The following LRRC47 variants were observed in gnomAD, a reference collection of about 807,000 sequenced individuals.
LRRC47 encodes leucine rich repeat containing 47.
LRRC47 carries 31 observed loss-of-function variants against 40.9 expected under a neutral mutation model. The ratio of observed to expected loss-of-function variants is 0.76; its 90% CI spans 0.57 to 1.02. The LOEUF is 1.02. Among genes scored for constraint, LRRC47 ranks in the 50% least tolerant of loss-of-function variants. LRRC47 has a pLI of 0.00. For missense variants in LRRC47, 726 were observed against 796.1 expected, an observed-to-expected ratio of 0.91 and a Z score of 1.06; for synonymous variants, 427 against 371.9, an observed-to-expected ratio of 1.15 and a Z score of -1.70.
intron 1 of LRRC47, among the ~76,000 whole-genome samples, chr1:3,790,683 A>G (rs1643619116): frequency 6.6e-6 from 1 of 152,262 alleles, no homozygotes; most frequent in Admixed American, 6.5e-5. Context: ...GCTCCCACGC[A>G]GGCAGAGCTA....
intron 1 of LRRC47, among the ~76,000 whole-genome samples, chr1:3,795,069 AAAAAG>A: frequency 6.6e-6 from 1 of 151,972 alleles, no homozygotes; most frequent in East Asian, 1.9e-4. Flanking sequence ...AAAAAAAAAA[AAAAAG>A]AAATGTCTGC....
In LRRC47 at chr1:3,796,434, G is replaced by A. The variant is rs987877733; in HGVS notation, c.43C>T (p.Leu15=). The change falls in exon 1 of 7, where the codon CTG becomes TTG. Residue 15 remains leucine (L), a synonymous_variant. Transcript: ENST00000378251. The part of the protein sequence containing the change: ...AVSESWPELE[L]AERERRRELL... ...TCCCGCCGCCGCTCGCGCTCAGCCA[G>A]CTCCAGCTCCGGCCAAGACTCTGAC... 4 of 1,521,442 alleles carry A rather than the reference G, an allele frequency of 2.6e-6. No homozygotes were observed. Among genetic ancestry groups the A allele is most frequent in the East Asian group, 2.6e-5 (1 of 38,392 alleles). 94.2% of individuals were successfully genotyped at this position (1,521,442 alleles called of 1,614,324 possible). A position where few individuals can be genotyped will look rare whatever the true frequency, so the allele number is the denominator to read the frequency against.
chr1:3,789,960 G>A (rs1261423284), intron 1 of LRRC47, among the ~76,000 whole-genome samples: 1 of 152,238 alleles, frequency 6.6e-6, no homozygotes, highest in Non-Finnish European at 1.5e-5. Flanking sequence ...AGGATGTGAG[G>A]TGCACACTGG....
intron 1 of LRRC47, among the ~76,000 whole-genome samples, chr1:3,792,709 T>C (rs1386377975): frequency 5.3e-5 from 8 of 152,236 alleles, no homozygotes; most frequent in Non-Finnish European, 7.3e-5. Flanking sequence ...TTCGCCCGCC[T>C]TGGCCTCCTA....
rs541367875 is a variant in LRRC47 at position 3,789,965 on chromosome 1, C to T, written c.616-2655G>A. Among the ~76,000 whole-genome samples, 15 of 152,322 alleles carry T rather than the reference C, an allele frequency of 9.8e-5. 1 individual carries two copies. In the South Asian group the frequency reaches 2.7e-3, roughly 27 times the overall value. ...CGCGCCCGCAAGGATGTGAGGTGCA[C>T]ACTGGCTTTGGGGAGGATGAGTTAC... On this transcript the variant is annotated intron_variant, in intron 1 of 6. Coordinates refer to ENST00000378251, the MANE Select transcript of LRRC47 (RefSeq NM_020710.3).
intron 1 of LRRC47, among the ~76,000 whole-genome samples, chr1:3,788,106 G>A (rs1643594497): frequency 6.6e-6 from 1 of 152,254 alleles, no homozygotes; most frequent in Non-Finnish European, 1.5e-5. Context: ...GTCTTTCCCA[G>A]GGTCTGGGCA....
chr1:3,782,281 G>A (rs1249918839), intron 5 of LRRC47, among the ~76,000 whole-genome samples: 3 of 151,348 alleles, frequency 2.0e-5, no homozygotes, highest in African/African-American at 7.3e-5. Flanking sequence ...GGAATGGCGC[G>A]ATCTCGACTC....
Position 3,796,344 on chromosome 1 carries a change from G to A in LRRC47, c.133C>T (p.Arg45Trp). 1 of 1,509,306 alleles carries A rather than the reference G, an allele frequency of 6.6e-7. No homozygotes were observed. 93.5% of individuals were successfully genotyped at this position (1,509,306 alleles called of 1,614,324 possible). ...VRAAGGQLPPRLFTLPLLHYL... is the reference protein window; with the variant it reads ...VRAAGGQLPPWLFTLPLLHYL... Reference sequence around the variant, plus strand: ...TGCAGCAGCGGCAGGGTGAAAAGCCGCGGCGGCAGCTGCCCACCCGCCGCC... The same window carrying A: ...TGCAGCAGCGGCAGGGTGAAAAGCCACGGCGGCAGCTGCCCACCCGCCGCC... The change falls in exon 1 of 7, where the codon CGG becomes TGG. Residue 45 changes from arginine (R) to tryptophan (W), a missense_variant. Arg to Trp is a moderately radical substitution (Grantham distance 101, BLOSUM62 -3). Coordinates refer to ENST00000378251, the MANE Select transcript of LRRC47 (RefSeq NM_020710.3).
At chr1:3,789,334 CT>C (rs1557643180) in intron 1 of LRRC47, among the ~76,000 whole-genome samples, 1 of 152,272 alleles carries the variant, frequency 6.6e-6, no homozygotes, top group Non-Finnish European at 1.5e-5. Context: ...ATCTGAGGTT[CT>C]GCTCTGTGGG....
chr1:3,796,312 C>T lies in LRRC47; in HGVS notation c.165G>A (p.Leu55=). The T allele has an allele frequency of 1.3e-6, 2 of 1,503,396 alleles. No individual in the cohort carries two copies. Among genetic ancestry groups the T allele is most frequent in the South Asian group, 1.2e-5 (1 of 80,954 alleles). The allele number at this position is 1,503,396 out of a possible 1,614,324, so 93.1% of individuals were successfully genotyped here. The change falls in exon 1 of 7, where the codon TTG becomes TTA. Residue 55 remains leucine (L), a synonymous_variant. Coordinates refer to ENST00000378251, the MANE Select transcript of LRRC47 (RefSeq NM_020710.3). ...GCAAGCTCCCGCAGCCGCTCACTTCCAAGTAGTGCAGCAGCGGCAGGGTGA... is the reference window on the plus strand; with the variant it reads ...GCAAGCTCCCGCAGCCGCTCACTTCTAAGTAGTGCAGCAGCGGCAGGGTGA... ...RLFTLPLLHY[L]EVSGCGSLRA...
rs755087937 is a variant in LRRC47 at position 3,783,033 on chromosome 1, G to A, written c.1311-270C>T. 31 of 485,972 alleles carry A rather than the reference G, an allele frequency of 6.4e-5. 1 individual carries two copies. Among genetic ancestry groups the A allele is most frequent in the Non-Finnish European group, 1.0e-4 (27 of 268,354 alleles). The allele number at this position is 485,972 out of a possible 1,614,324, so 30.1% of individuals were successfully genotyped here. On this transcript the variant is annotated intron_variant, in intron 4 of 6. Coordinates refer to ENST00000378251, the MANE Select transcript of LRRC47 (RefSeq NM_020710.3). ...GAAACAGAGCAGGACAAAAAGCTCCGGTGCTGATCAGTAGTGGGACTGCGC... is the reference window on the plus strand; with the variant it reads ...GAAACAGAGCAGGACAAAAAGCTCCAGTGCTGATCAGTAGTGGGACTGCGC...
At chr1:3,784,731 T>A (rs1021739476) in intron 3 of LRRC47, among the ~76,000 whole-genome samples, 1 of 152,204 alleles carries the variant, frequency 6.6e-6, no homozygotes, top group Non-Finnish European at 1.5e-5. Context: ...TGCGGTGGCT[T>A]ACGCCTGTAA....
rs1376716986 is a variant in LRRC47, at chr1:3,780,341, A to C, written c.*747T>G. 1 of 152,170 alleles carries C rather than the reference A, an allele frequency of 6.6e-6. No homozygotes were observed. Among genetic ancestry groups the C allele is most frequent in the Non-Finnish European group, 1.5e-5 (1 of 68,038 alleles). 9.4% of individuals were successfully genotyped at this position (152,170 alleles called of 1,614,324 possible). On this transcript the variant is annotated 3_prime_UTR_variant, in exon 7 of 7. Transcript: ENST00000378251. ...AAGGCCAACGACGAGAGCCCAGACC[A>C]GGATTCCAAACACACTGCACGAGAA...
chr1:3,786,880 C>A lies in LRRC47; in HGVS notation c.1046G>T (p.Gly349Val). 1 of 1,602,490 alleles carries A rather than the reference C, an allele frequency of 6.2e-7. No homozygotes were observed. The highest frequency in any genetic ancestry group is 8.5e-7 in the Non-Finnish European group (1 of 1,174,312). ...AVVRGMDLQP[G>V]NALKRFLTSQ... ...GGTGAGGAAGCGCTTGAGTGCATTCCCTGGCTGCAGGTCCATGCCTCGCAC... is the reference window on the plus strand; with the variant it reads ...GGTGAGGAAGCGCTTGAGTGCATTCACTGGCTGCAGGTCCATGCCTCGCAC... The change falls in exon 2 of 7, where the codon GGG (glycine) becomes GTG (valine). Residue 349 changes from glycine to valine, a missense_variant. Physicochemically the swap from Gly to Val is moderately radical, Grantham distance 109. Coordinates refer to ENST00000378251, the MANE Select transcript of LRRC47 (RefSeq NM_020710.3).
At position 3,792,164 on chromosome 1, in the gene LRRC47, G is replaced by A. The variant is rs189805063; in HGVS notation, c.615+3698C>T. ...CTTTGTGTGCGAAATTCCAATGTGC[G>A]TAGCTACATTGCTGGGCATAGTTCT... On this transcript the variant is annotated intron_variant, in intron 1 of 6. Coordinates refer to ENST00000378251, the MANE Select transcript of LRRC47 (RefSeq NM_020710.3). Among the ~76,000 whole-genome samples the A allele has an allele frequency of 5.9e-5, 9 of 152,320 alleles. No homozygotes were observed. In the South Asian group the frequency reaches 8.3e-4, roughly 14 times the overall value.
In LRRC47 at chr1:3,778,997, T is replaced by G. The variant is rs35938957; in HGVS notation, c.*2091A>C. On this transcript the variant is annotated 3_prime_UTR_variant, in exon 7 of 7. Transcript: ENST00000378251. ...GGCCAACTGTGGCATCTGCCTTGAC[T>G]GCCCAGAGCAGCAGGAATCAGGTTT... 0.11 allele frequency: 16,888 copies of G among 152,472 alleles called. 1,058 individuals are homozygous for G. Among genetic ancestry groups the G allele is most frequent in the African/African-American group, 0.14 (5,912 of 41,570 alleles). 9.4% of individuals were successfully genotyped at this position (152,472 alleles called of 1,614,324 possible). A position where few individuals can be genotyped will look rare whatever the true frequency, so the allele number is the denominator to read the frequency against.
intron 1 of LRRC47, among the ~76,000 whole-genome samples, chr1:3,794,794 C>T (rs1643658169): frequency 6.6e-6 from 1 of 151,846 alleles, no homozygotes; most frequent in Admixed American, 6.6e-5. Flanking sequence ...GTGGCTCACA[C>T]CTGTAATCCT....
chr1:3,790,706 T>C (rs558140562), intron 1 of LRRC47, among the ~76,000 whole-genome samples: 4 of 152,290 alleles, frequency 2.6e-5, no homozygotes, highest in Admixed American at 1.3e-4. Flanking sequence ...GCTGAGGCCA[T>C]AGGACAGCAG....
In LRRC47 at chr1:3,795,897, G is replaced by A. The variant is rs200371478; in HGVS notation, c.580C>T (p.Leu194Phe). The change falls in exon 1 of 7, where the codon CTC becomes TTC. Residue 194 changes from leucine to phenylalanine, a missense_variant. Physicochemically the swap from Leu to Phe is conservative, Grantham distance 22. Transcript: ENST00000378251. ...GCCAGGTGGGCGATGTCGGGGCTGA[G>A]TTCTCGGAGGCAGTTGTCAGCAGCC... ...LAAADNCLRELSPDIAHLASL... is the reference protein window; with the variant it reads ...LAAADNCLREFSPDIAHLASL... The A allele has an allele frequency of 6.3e-7, 1 of 1,597,392 alleles. No individual in the cohort carries two copies. The highest frequency in any genetic ancestry group is 8.5e-7 in the Non-Finnish European group (1 of 1,176,672).
Sources: gnomAD v4.1 joint callset for allele counts (sites outside exome capture counted in the v4.1 genomes callset) on GRCh38, gnomAD v4.1.1 for gene constraint, MANE v1.5 for transcripts, NCBI Gene and HGNC (gene_info 2026-07-23, HGNC 2026-07-21) for gene names.